PHLDB1: variants seen among roughly 807,000 people sequenced by gnomAD.
PHLDB1 encodes pleckstrin homology-like domain family B member 1.
A neutral mutation model predicts 139.3 loss-of-function variants in PHLDB1; 65 were observed. The ratio of observed to expected loss-of-function variants is 0.47; its 90% CI spans 0.38 to 0.57. PHLDB1 has a LOEUF of 0.57. PHLDB1 is among the 20% of genes least tolerant of loss of function. PHLDB1 has a pLI of 0.00. For missense variants in PHLDB1, 1,624 were observed against 1,839.7 expected (o/e 0.88, Z 2.14); for synonymous variants, 679 against 734.5 (o/e 0.92, Z 1.22).
intron 18 of PHLDB1, among the ~76,000 whole-genome samples, chr11:118,649,097 T>C (rs1341294175): frequency 1.3e-5 from 2 of 152,110 alleles, no homozygotes; most frequent in Non-Finnish European, 2.9e-5. Context: ...CTGGCCAACA[T>C]GGCAAAACCC....
intron 3 of PHLDB1, chr11:118,614,948 GC>G: frequency 2.6e-6 from 1 of 380,832 alleles, no homozygotes; most frequent in African/African-American, 2.1e-5. Flanking sequence ...TGTTATCCCA[GC>G]ACTTTGGGAG....
At position 118,645,530 on chromosome 11, in the gene PHLDB1, G is replaced by C. The variant is rs201356242; in HGVS notation, c.3296G>C (p.Arg1099Pro). The C allele has an allele frequency of 5.5e-5, 88 of 1,612,854 alleles. No individual in the cohort carries two copies. The highest frequency in any genetic ancestry group is 6.6e-5 in the Non-Finnish European group (78 of 1,179,492). The change falls in exon 16 of 23, where the codon CGG (arginine) becomes CCG (proline). Residue 1099 changes from arginine (R) to proline (P), a missense_variant. Transcript: ENST00000600882. This position sits in a 1 kb window ranked among gnomAD's most constrained non-coding sequence, Gnocchi z 5.1. ...HSILHHLPAG[R>P]ERGEEGEHAY... ...ATCCTACACCACCTGCCTGCGGGGC[G>C]GGAGCGTGGGGAGGAGGGTGAGCAC...
intron 1 of PHLDB1, chr11:118,613,247 T>C: frequency 1.0e-6 from 1 of 966,694 alleles, no homozygotes; most frequent in South Asian, 4.8e-5. Flanking sequence ...TTGAGACATC[T>C]GGAGATAGCA....
At chr11:118,609,822 TACCTTGC>T in intron 1 of PHLDB1, among the ~76,000 whole-genome samples, 1 of 152,206 alleles carries the variant, frequency 6.6e-6, no homozygotes, top group African/African-American at 2.4e-5. Context: ...AAGGGGCCGC[TACCTTGC>T]GGAAACCTCC....
intron 4 of PHLDB1, among the ~76,000 whole-genome samples, chr11:118,618,075 G>C (rs542247753): frequency 1.3e-5 from 2 of 152,204 alleles, no homozygotes; most frequent in Admixed American, 1.3e-4. Context: ...AGAGCCTAGG[G>C]CTAAGATGGA....
intron 1 of PHLDB1, chr11:118,613,379 C>T (rs1369840779): frequency 4.0e-6 from 4 of 988,170 alleles, no homozygotes; most frequent in Non-Finnish European, 4.8e-6. Flanking sequence ...TGTTTTAGCC[C>T]TGCCACCTAC....
chr11:118,610,503 CGAGG>C lies in PHLDB1; in HGVS notation c.-22+2805_-22+2808del. ...AGCCATGCACCGCTTGGGCCGAGGCCGAGGCCGACCCCCAGGGACACAGGTGAGG... is the reference window on the plus strand; with the variant it reads ...AGCCATGCACCGCTTGGGCCGAGGCCCCGACCCCCAGGGACACAGGTGAGG... On this transcript the variant is annotated intron_variant, in intron 1 of 22. Transcript: ENST00000600882. The surrounding 1 kb of genome is among the most constrained non-coding windows in gnomAD (Gnocchi z 8.7). The C allele has an allele frequency of 1.1e-6, 1 of 947,452 alleles. No homozygotes were observed. 58.7% of individuals were successfully genotyped at this position (947,452 alleles called of 1,614,324 possible). A position where few individuals can be genotyped will look rare whatever the true frequency, so the allele number is the denominator to read the frequency against.
Position 118,647,923 on chromosome 11 carries a change from G to C in PHLDB1, c.3508-7G>C, listed in dbSNP as rs546074203. 5 of 1,561,632 alleles carry C rather than the reference G, an allele frequency of 3.2e-6. No individual in the cohort carries two copies. The highest frequency in any genetic ancestry group is 2.6e-6 in the Non-Finnish European group (3 of 1,153,376). Reference sequence around the variant, plus strand: ...CATAGGTGCTGACCCCTTGGCTTTGGGGGCAGGAGCGGGAGATGGAGCTGC... The same window carrying C: ...CATAGGTGCTGACCCCTTGGCTTTGCGGGCAGGAGCGGGAGATGGAGCTGC... On this transcript the variant is annotated splice_polypyrimidine_tract_variant and splice_region_variant and intron_variant, in intron 17 of 22. Coordinates refer to ENST00000600882, the MANE Select transcript of PHLDB1 (RefSeq NM_001144758.3).
chr11:118,656,929 A>G lies in PHLDB1; in HGVS notation c.*106A>G. The G allele has an allele frequency of 1.0e-6, 1 of 1,004,652 alleles. No individual in the cohort carries two copies. The highest frequency in any genetic ancestry group is 2.5e-5 in the East Asian group (1 of 40,142). 62.2% of individuals were successfully genotyped at this position (1,004,652 alleles called of 1,614,324 possible). A position where few individuals can be genotyped will look rare whatever the true frequency, so the allele number is the denominator to read the frequency against. On this transcript the variant is annotated 3_prime_UTR_variant, in exon 23 of 23. Coordinates refer to ENST00000600882, the MANE Select transcript of PHLDB1 (RefSeq NM_001144758.3). ...TGAGTTTCTGGGCTCTGGCCTCCTG[A>G]AGAACCAGCCAGAAGAAGAAAAGTA...
intron 13 of PHLDB1, 105 bp downstream of exon 13, chr11:118,642,499 C>G (rs1946745659): frequency 2.3e-6 from 3 of 1,333,090 alleles, no homozygotes; most frequent in South Asian, 1.3e-5. Context: ...GTGGAGGCGT[C>G]AGCCCAGTCA....
chr11:118,630,508 A>G (rs529043749), intron 6 of PHLDB1, among the ~76,000 whole-genome samples: 2 of 152,250 alleles, frequency 1.3e-5, no homozygotes, highest in African/African-American at 2.4e-5. Context: ...CCTCTTCTCC[A>G]TGTATGTCTG....
rs782482821 is a variant in PHLDB1 at position 118,643,889 on chromosome 11, C to T, written c.2967C>T (p.Ser989=). ...TCCCCTCCTCCTCTGGCTCTTCCTC[C>T]TCCTCCTCCCAGCTCAGCGTGGCTA... ...GPLPSSSGSS[S]SSSQLSVATL... The change falls in exon 14 of 23, where the codon TCC becomes TCT. Residue 989 remains serine (S), a synonymous_variant. Coordinates refer to ENST00000600882, the MANE Select transcript of PHLDB1 (RefSeq NM_001144758.3). The T allele has an allele frequency of 3.1e-6, 5 of 1,611,856 alleles. No homozygotes were observed. Among genetic ancestry groups the T allele is most frequent in the Non-Finnish European group, 4.2e-6 (5 of 1,178,944 alleles).
At chr11:118,647,828 T>A (rs1947754480) in intron 17 of PHLDB1, 102 bp from the exon 18 acceptor site, 2 of 1,271,908 alleles carry the variant, frequency 1.6e-6, no homozygotes, top group South Asian at 2.9e-5. Flanking sequence ...CATGCCAGAC[T>A]ACCCTGAGGT....
intron 4 of PHLDB1, chr11:118,621,385 G>C (rs1372684299): frequency 6.6e-6 from 1 of 152,264 alleles, no homozygotes; most frequent in African/African-American, 2.4e-5. Flanking sequence ...CCCCTCCCCG[G>C]GCATTGGCGG....
At chr11:118,644,238 C>T (rs1170046219) in intron 15 of PHLDB1, 64 bp downstream of exon 15, 8 of 1,086,044 alleles carry the variant, frequency 7.4e-6, no homozygotes, top group Non-Finnish European at 1.1e-5. Flanking sequence ...TGCCATGCCT[C>T]CTCTATGCTC....
rs781880095 is a variant in PHLDB1 at position 118,631,916 on chromosome 11, G to A, written c.2104G>A (p.Glu702Lys). 2.4e-5 allele frequency: 38 copies of A among 1,607,690 alleles called. No homozygotes were observed. Among genetic ancestry groups the A allele is most frequent in the Non-Finnish European group, 3.1e-5 (36 of 1,177,602 alleles). The change falls in exon 8 of 23, where the codon GAA becomes AAA. Residue 702 changes from glutamate to lysine, a missense_variant. Glu to Lys is a moderately conservative substitution (Grantham distance 56). Coordinates refer to ENST00000600882, the MANE Select transcript of PHLDB1 (RefSeq NM_001144758.3). ...SSTESTQQEH[E>K]DAPSTKLQGE... ...TGATAGCTTCCCTCCCCTCCAGCAC[G>A]AAGATGCACCTAGCACCAAGCTCCA... is the stretch of plus-strand genomic sequence containing the variant.
chr11:118,622,893 C>T (rs929095596), intron 4 of PHLDB1, among the ~76,000 whole-genome samples: 4 of 152,094 alleles, frequency 2.6e-5, no homozygotes, highest in Non-Finnish European at 4.4e-5. Flanking sequence ...GGGAAGGCTC[C>T]CTCTCTCTCC....
Position 118,632,758 on chromosome 11 carries a change from G to A in PHLDB1, c.2379+462G>A. The A allele has an allele frequency of 1.9e-6, 1 of 526,946 alleles. No homozygotes were observed. Among genetic ancestry groups the A allele is most frequent in the Non-Finnish European group, 2.5e-6 (1 of 406,758 alleles). 32.6% of individuals were successfully genotyped at this position (526,946 alleles called of 1,614,324 possible). A position where few individuals can be genotyped will look rare whatever the true frequency, so the allele number is the denominator to read the frequency against. On this transcript the variant is annotated intron_variant, in intron 9 of 22. Coordinates refer to ENST00000600882, the MANE Select transcript of PHLDB1 (RefSeq NM_001144758.3). The surrounding 1 kb of genome is among the most constrained non-coding windows in gnomAD (Gnocchi z 5.9). Reference sequence around the variant, plus strand: ...TGCTTCCCTTGAGCCTTCAGGATCTGCAGCCTCCCATCCCAGGTGATCCTA... The same window carrying A: ...TGCTTCCCTTGAGCCTTCAGGATCTACAGCCTCCCATCCCAGGTGATCCTA...
chr11:118,626,734 A>C (rs1943947530), intron 5 of PHLDB1, among the ~76,000 whole-genome samples: 1 of 150,232 alleles, frequency 6.7e-6, no homozygotes, highest in Admixed American at 6.6e-5. Flanking sequence ...TTCTCAGCTC[A>C]CTGCAACTTC....
Sources: gnomAD v4.1 joint callset for allele counts (sites outside exome capture counted in the v4.1 genomes callset) on GRCh38, gnomAD v4.1.1 for gene constraint, Gnocchi (gnomAD v3.1) non-coding constraint, MANE v1.5 for transcripts, NCBI Gene and HGNC (gene_info 2026-07-23, HGNC 2026-07-21) for gene names.